BCKDHB: variants seen among roughly 807,000 people sequenced by gnomAD.
The protein encoded by BCKDHB is 2-oxoisovalerate dehydrogenase subunit beta, mitochondrial.
In BCKDHB, 41 loss-of-function variants were observed where a neutral mutation model predicts 48.5. The observed-to-expected ratio is 0.85, with a 90% CI of 0.66 to 1.10. BCKDHB has a LOEUF of 1.10. Among genes scored for constraint, BCKDHB ranks in the 50% least tolerant of loss-of-function variants. The pLI, the probability that BCKDHB is intolerant of heterozygous loss-of-function variation, is 0.00. For missense variants in BCKDHB, 496 were observed against 494.2 expected (o/e 1.00, Z -0.03); for synonymous variants, 201 against 174.8 (o/e 1.15, Z -1.18).
intron 9 of BCKDHB, among the ~76,000 whole-genome samples, chr6:80,298,722 G>T (rs1222702999): frequency 2.6e-5 from 4 of 152,204 alleles, no homozygotes; most frequent in Non-Finnish European, 4.4e-5. Context: ...TAACAGAGAA[G>T]ATTGGAAAAG....
At chr6:80,193,448 ATG>A (rs1773991332) in intron 6 of BCKDHB, among the ~76,000 whole-genome samples, 3 of 151,956 alleles carry the variant, frequency 2.0e-5, no homozygotes, top group Admixed American at 2.0e-4. Context: ...GCCAGGCGTG[ATG>A]GCTCACGCCT....
chr6:80,328,339 T>C (rs1399326534), intron 9 of BCKDHB, among the ~76,000 whole-genome samples: 1 of 152,132 alleles, frequency 6.6e-6, no homozygotes, highest in Non-Finnish European at 1.5e-5. Context: ...TGTGGCTGAT[T>C]GAGTGGAAAA....
intron 8 of BCKDHB, among the ~76,000 whole-genome samples, chr6:80,227,992 G>A (rs1217802091): frequency 2.0e-5 from 3 of 152,156 alleles, no homozygotes; most frequent in African/African-American, 4.8e-5. Context: ...TTTTCAGAAT[G>A]ACATTGGGGT....
chr6:80,456,236 A>T, the BCKDHB span, among the ~76,000 whole-genome samples: 1 of 151,950 alleles, frequency 6.6e-6, no homozygotes, highest in African/African-American at 2.4e-5. Flanking sequence ...AGAAAGAAAA[A>T]AAACTACCGC....
At chr6:80,336,909 A>C (rs546878977) in intron 9 of BCKDHB, among the ~76,000 whole-genome samples, 1 of 152,220 alleles carries the variant, frequency 6.6e-6, no homozygotes, top group Admixed American at 6.5e-5. Context: ...CCAAATAATT[A>C]ATTTGATAGA....
the BCKDHB span, among the ~76,000 whole-genome samples, chr6:80,403,823 T>C: frequency 6.6e-6 from 1 of 152,048 alleles, no homozygotes; most frequent in Admixed American, 6.6e-5. Flanking sequence ...TTTCTGCATA[T>C]ATTAAGATAA....
At chr6:80,446,758 T>A in the BCKDHB span, among the ~76,000 whole-genome samples, 2 of 145,126 alleles carry the variant, frequency 1.4e-5, no homozygotes, top group Non-Finnish European at 3.0e-5. Flanking sequence ...AGGAGCATTC[T>A]CTCTTACAGA....
At chr6:80,420,343 G>A in the BCKDHB span, among the ~76,000 whole-genome samples, 1 of 152,186 alleles carries the variant, frequency 6.6e-6, no homozygotes, top group African/African-American at 2.4e-5. Context: ...TAGACACGCA[G>A]ACTTTTTCTA....
chr6:80,421,384 A>G, the BCKDHB span, among the ~76,000 whole-genome samples: 1 of 152,206 alleles, frequency 6.6e-6, no homozygotes, highest in Non-Finnish European at 1.5e-5. Context: ...GATTGTGGAA[A>G]CAGACTAATA....
At chr6:80,445,857 A>C in the BCKDHB span, among the ~76,000 whole-genome samples, 5 of 152,308 alleles carry the variant, frequency 3.3e-5, no homozygotes, top group African/African-American at 1.2e-4. Flanking sequence ...TGCCATGTTA[A>C]ACTGTTAGGT....
chr6:80,421,971 A>C, the BCKDHB span, among the ~76,000 whole-genome samples: 1 of 152,208 alleles, frequency 6.6e-6, no homozygotes, highest in African/African-American at 2.4e-5. Flanking sequence ...AAATTTGCCT[A>C]AGTAATAAGG....
chr6:80,239,218 C>G (rs954197969), intron 8 of BCKDHB, among the ~76,000 whole-genome samples: 1 of 152,192 alleles, frequency 6.6e-6, no homozygotes, highest in Non-Finnish European at 1.5e-5. Context: ...CTCCCACCAA[C>G]AGTGTAAAAG....
intron 2 of BCKDHB, among the ~76,000 whole-genome samples, chr6:80,127,969 AT>A (rs1770431193): frequency 6.6e-6 from 1 of 152,074 alleles, no homozygotes; most frequent in African/African-American, 2.4e-5. Flanking sequence ...TGAAGACTTG[AT>A]TTTATGCTTC....
At chr6:80,171,843 G>A (rs1347224148) in intron 6 of BCKDHB, among the ~76,000 whole-genome samples, 1 of 152,130 alleles carries the variant, frequency 6.6e-6, no homozygotes, top group Non-Finnish European at 1.5e-5. Context: ...GGATGACTGT[G>A]TAAAGCAAAC....
At chr6:80,261,743 G>A (rs1049346088) in intron 8 of BCKDHB, among the ~76,000 whole-genome samples, 1 of 152,056 alleles carries the variant, frequency 6.6e-6, no homozygotes, top group African/African-American at 2.4e-5. Context: ...TAGCTCTTCG[G>A]TTGAGAGTAC....
At chr6:80,207,475 A>G (rs1398769820) in intron 8 of BCKDHB, among the ~76,000 whole-genome samples, 1 of 151,884 alleles carries the variant, frequency 6.6e-6, no homozygotes, top group South Asian at 2.1e-4. Flanking sequence ...ATAAGTATGA[A>G]AAATGGATGG....
At chr6:80,402,068 A>G in the BCKDHB span, among the ~76,000 whole-genome samples, 6 of 151,794 alleles carry the variant, frequency 4.0e-5, no homozygotes, top group East Asian at 9.6e-4. Flanking sequence ...TAATGCTGCA[A>G]TAAGCATGGG....
chr6:80,419,024 T>G, the BCKDHB span, among the ~76,000 whole-genome samples: 1 of 152,200 alleles, frequency 6.6e-6, no homozygotes, highest in East Asian at 1.9e-4. Flanking sequence ...TCTGCTGTTC[T>G]CTGTGCAGAA....
At chr6:80,201,705 C>T (rs1479672385) in intron 7 of BCKDHB, among the ~76,000 whole-genome samples, 2 of 152,224 alleles carry the variant, frequency 1.3e-5, no homozygotes, top group African/African-American at 4.8e-5. Context: ...TGCTGATCCA[C>T]TTCATTTTCC....
Sources: gnomAD v4.1 joint callset for allele counts (sites outside exome capture counted in the v4.1 genomes callset) on GRCh38, gnomAD v4.1.1 for gene constraint, MANE v1.5 for transcripts, NCBI Gene and HGNC (gene_info 2026-07-23, HGNC 2026-07-21) for gene names.